Variants in DCC observed in about 807,000 individuals in gnomAD.
The protein encoded by DCC is netrin receptor DCC.
In DCC, 58 loss-of-function variants were observed where a neutral mutation model predicts 172.5. The ratio of observed to expected loss-of-function variants is 0.34; its 90% CI spans 0.27 to 0.42. DCC has a LOEUF of 0.42. DCC is among the 10% of genes least tolerant of loss of function. The pLI, the probability that DCC is intolerant of heterozygous loss-of-function variation, is 1.00. For missense variants in DCC, 1,740 were observed against 1,791.0 expected (o/e 0.97, Z 0.51); for synonymous variants, 709 against 644.5 (o/e 1.10, Z -1.52).
intron 7 of DCC, among the ~76,000 whole-genome samples, chr18:53,121,674 A>G (rs990898224): frequency 5.9e-5 from 9 of 151,908 alleles, no homozygotes; most frequent in Non-Finnish European, 1.3e-4. Flanking sequence ...TTCAAATACA[A>G]TGTAATACTA....
intron 10 of DCC, among the ~76,000 whole-genome samples, chr18:53,207,351 C>G (rs1598906813): frequency 6.6e-6 from 1 of 152,318 alleles, no homozygotes; most frequent in Middle Eastern, 3.4e-3. Flanking sequence ...GAGAAAATCT[C>G]TGTTCCCATG....
intron 1 of DCC, among the ~76,000 whole-genome samples, chr18:52,491,337 T>C (rs901326527): frequency 2.0e-5 from 3 of 151,998 alleles, no homozygotes; most frequent in Admixed American, 6.6e-5. Flanking sequence ...AACAAACACA[T>C]ATATAATTGC....
chr18:52,387,221 G>C (rs1269411019), intron 1 of DCC, among the ~76,000 whole-genome samples: 2 of 152,150 alleles, frequency 1.3e-5, no homozygotes, highest in African/African-American at 4.8e-5. Context: ...CTTTGCAGCA[G>C]GTATGGCTCT....
intron 2 of DCC, among the ~76,000 whole-genome samples, chr18:52,796,176 C>T (rs113644463): frequency 0.043 from 6,541 of 151,240 alleles, 220 homozygotes; most frequent in South Asian, 0.16. Flanking sequence ...TGGCATATAG[C>T]TGAGTCATTG....
At chr18:53,070,133 C>T (rs2042633098) in intron 7 of DCC, among the ~76,000 whole-genome samples, 1 of 152,094 alleles carries the variant, frequency 6.6e-6, no homozygotes, top group South Asian at 2.1e-4. Context: ...GCATCCACCA[C>T]CAAGCCCAGC....
chr18:52,973,533 G>T (rs1453354190), intron 5 of DCC, among the ~76,000 whole-genome samples: 1 of 152,016 alleles, frequency 6.6e-6, no homozygotes. Context: ...TTCATTTCCA[G>T]AGCTCCAACT....
chr18:52,390,643 G>C (rs72916978), intron 1 of DCC, among the ~76,000 whole-genome samples: 13,559 of 152,010 alleles, frequency 0.089, 748 homozygotes, highest in South Asian at 0.16. Context: ...TTGTCACATG[G>C]TGGAGTTCGC....
chr18:52,764,667 GCA>G (rs528060848), intron 2 of DCC, among the ~76,000 whole-genome samples: 181 of 152,166 alleles, frequency 1.2e-3, no homozygotes, highest in Non-Finnish European at 2.4e-3. Context: ...GTAGATGTTG[GCA>G]CCATGTTTCT....
intron 1 of DCC, among the ~76,000 whole-genome samples, chr18:52,502,845 G>A (rs1156621897): frequency 1.3e-5 from 2 of 152,214 alleles, no homozygotes; most frequent in Non-Finnish European, 2.9e-5. Flanking sequence ...TGCATTCAGT[G>A]ACATCGTGGG....
chr18:52,778,213 A>G (rs1193182048), intron 2 of DCC, among the ~76,000 whole-genome samples: 16 of 152,214 alleles, frequency 1.1e-4, no homozygotes, highest in Admixed American at 9.2e-4. Context: ...AAAGTTTTCG[A>G]TAGAGAGTGA....
At chr18:52,592,018 A>G (rs900732828) in intron 1 of DCC, among the ~76,000 whole-genome samples, 2 of 152,042 alleles carry the variant, frequency 1.3e-5, no homozygotes, top group African/African-American at 4.8e-5. Context: ...ATAGTCTTAT[A>G]TTACTTGGAG....
chr18:53,366,867 C>T (rs1274709366), intron 15 of DCC, among the ~76,000 whole-genome samples: 1 of 152,158 alleles, frequency 6.6e-6, no homozygotes, highest in Non-Finnish European at 1.5e-5. Context: ...CACTCAGGGT[C>T]CTTCCCTGTT....
At chr18:52,725,531 G>A (rs1347497555) in intron 1 of DCC, among the ~76,000 whole-genome samples, 2 of 152,206 alleles carry the variant, frequency 1.3e-5, no homozygotes, top group Non-Finnish European at 2.9e-5. Context: ...GAAGCTGGCA[G>A]TGTGTGATAG....
At chr18:52,941,482 A>G (rs1182819737) in intron 5 of DCC, among the ~76,000 whole-genome samples, 1 of 129,104 alleles carries the variant, frequency 7.7e-6, no homozygotes, top group African/African-American at 2.9e-5. Context: ...ACATATATAC[A>G]TGTTTGTGTG....
chr18:52,476,802 G>T (rs1015041773), intron 1 of DCC, among the ~76,000 whole-genome samples: 6 of 152,050 alleles, frequency 3.9e-5, no homozygotes, highest in Non-Finnish European at 7.4e-5. Flanking sequence ...GTAAGATGAG[G>T]CACATATTAC....
chr18:52,535,516 G>A (rs1406601926), intron 1 of DCC, among the ~76,000 whole-genome samples: 1 of 152,150 alleles, frequency 6.6e-6, no homozygotes, highest in Non-Finnish European at 1.5e-5. Flanking sequence ...ATTTTGTGAA[G>A]CTTGTGGGCA....
At chr18:52,371,609 C>G (rs898286736) in intron 1 of DCC, among the ~76,000 whole-genome samples, 5 of 152,186 alleles carry the variant, frequency 3.3e-5, no homozygotes, top group Non-Finnish European at 5.9e-5. Context: ...GGGAAGAAGG[C>G]TTTCTAATTA....
chr18:52,687,540 C>T (rs188962248), intron 1 of DCC, among the ~76,000 whole-genome samples: 2 of 152,198 alleles, frequency 1.3e-5, no homozygotes, highest in East Asian at 3.9e-4. Flanking sequence ...CCACCTTGGC[C>T]TCCCAAAGTG....
intron 1 of DCC, among the ~76,000 whole-genome samples, chr18:52,716,575 T>A (rs560477976): frequency 6.6e-6 from 1 of 152,370 alleles, no homozygotes; most frequent in South Asian, 2.1e-4. Context: ...GTAAGTCTGA[T>A]GCCTAATTAA....
Sources: gnomAD v4.1 joint callset for allele counts (sites outside exome capture counted in the v4.1 genomes callset) on GRCh38, gnomAD v4.1.1 for gene constraint, MANE v1.5 for transcripts, NCBI Gene and HGNC (gene_info 2026-07-23, HGNC 2026-07-21) for gene names.